GABRB1: variants seen among roughly 807,000 people sequenced by gnomAD.
GABRB1 encodes gamma-aminobutyric acid receptor subunit beta-1.
GABRB1 carries 17 observed loss-of-function variants against 51.6 expected under a neutral mutation model. That is an observed-to-expected ratio of 0.33 (90% confidence interval 0.23 to 0.49). The LOEUF (loss-of-function observed/expected upper bound fraction) is 0.49. Ranked by LOEUF, GABRB1 falls within the 20% of genes least tolerant of loss-of-function variation. The pLI, the probability that GABRB1 is intolerant of heterozygous loss-of-function variation, is 0.99. For missense variants in GABRB1, 410 were observed against 600.6 expected (o/e 0.68, Z 3.32); for synonymous variants, 247 against 218.9 (o/e 1.13, Z -1.14).
chr4:47,269,223 G>A (rs971670216), intron 4 of GABRB1, among the ~76,000 whole-genome samples: 3 of 152,088 alleles, frequency 2.0e-5, no homozygotes, highest in Non-Finnish European at 4.4e-5. Flanking sequence ...TTAATTCTCA[G>A]AAGAAATATA....
chr4:47,060,032 C>A (rs1370779295), intron 3 of GABRB1, among the ~76,000 whole-genome samples: 1 of 152,170 alleles, frequency 6.6e-6, no homozygotes, highest in Non-Finnish European at 1.5e-5. Context: ...TCACTCATGT[C>A]ATTTCTATTA....
intron 5 of GABRB1, among the ~76,000 whole-genome samples, chr4:47,356,025 A>G (rs558223614): frequency 6.6e-6 from 1 of 152,354 alleles, no homozygotes. Context: ...GCATGCAATG[A>G]ATATGGCAAT....
chr4:47,203,769 T>A (rs1189942872), intron 4 of GABRB1, among the ~76,000 whole-genome samples: 1 of 152,002 alleles, frequency 6.6e-6, no homozygotes, highest in Admixed American at 6.6e-5. Flanking sequence ...CATCGAGACA[T>A]CACAGCTGCC....
Position 47,327,672 on chromosome 4 carries a change from T to A in GABRB1, c.544+7463T>A, listed in dbSNP as rs2109970938. Reference sequence around the variant, plus strand: ...GTCGTATGTATTTAATTTAATGAACTATCCACTTAATCCATCTGTTTAACT... The same window carrying A: ...GTCGTATGTATTTAATTTAATGAACAATCCACTTAATCCATCTGTTTAACT... On this transcript the variant is annotated intron_variant, in intron 5 of 8. Transcript: ENST00000295454. Among the ~76,000 whole-genome samples, 3 of 152,360 alleles carry A rather than the reference T, an allele frequency of 2.0e-5. No homozygotes were observed. The South Asian group carries it at 6.2e-4, about 32-fold the overall frequency.
chr4:47,016,560 A>ATTATTTAT lies in GABRB1; in HGVS notation c.-19-15333_-19-15326dup, dbSNP rs559278924. 3.7e-3 allele frequency among the ~76,000 whole-genome samples: 562 copies of ATTATTTAT among 151,682 alleles called. 3 individuals carry two copies. Among genetic ancestry groups the ATTATTTAT allele is most frequent in the African/African-American group, 0.012 (493 of 41,360 alleles). The stretch of plus-strand genomic sequence containing the variant: ...GGTGACAAAATTTCTATCTGTGCAG[A>ATTATTTAT]TTATTTATTTATTTATTTATTTATT... On this transcript the variant is annotated intron_variant, in intron 1 of 3. Coordinates refer to the GABRB1 transcript ENST00000513567.
At chr4:47,185,044 TA>T (rs928125827) in intron 4 of GABRB1, among the ~76,000 whole-genome samples, 8 of 151,886 alleles carry the variant, frequency 5.3e-5, no homozygotes, top group African/African-American at 1.4e-4. Flanking sequence ...TTCACTCCTC[TA>T]AAATAGGCAA....
At chr4:47,298,151 A>C (rs1474104382) in intron 4 of GABRB1, among the ~76,000 whole-genome samples, 2 of 152,134 alleles carry the variant, frequency 1.3e-5, no homozygotes, top group Non-Finnish European at 2.9e-5. Context: ...ATGGGCAAAA[A>C]CTGGAAGCAT....
chr4:47,317,227 C>T (rs1166179761), intron 4 of GABRB1, among the ~76,000 whole-genome samples: 2 of 151,906 alleles, frequency 1.3e-5, no homozygotes, highest in Non-Finnish European at 2.9e-5. Context: ...TTCCAAATGT[C>T]CCCAGTGAGG....
At chr4:47,087,615 A>G (rs1196199977) in intron 3 of GABRB1, among the ~76,000 whole-genome samples, 1 of 151,898 alleles carries the variant, frequency 6.6e-6, no homozygotes, top group Non-Finnish European at 1.5e-5. Context: ...ATTCTAGAAT[A>G]TCTAGTTTAA....
chr4:47,407,617 A>T (rs1236447368), intron 8 of GABRB1, among the ~76,000 whole-genome samples: 1 of 152,222 alleles, frequency 6.6e-6, no homozygotes, highest in Non-Finnish European at 1.5e-5. Context: ...TCAAATGTGT[A>T]TCTACCACAA....
chr4:47,129,693 C>T (rs537939132), intron 3 of GABRB1, among the ~76,000 whole-genome samples: 1 of 152,020 alleles, frequency 6.6e-6, no homozygotes, highest in Non-Finnish European at 1.5e-5. Context: ...GTGAAGGCTT[C>T]CTGGAAAAAG....
intron 3 of GABRB1, among the ~76,000 whole-genome samples, chr4:47,116,760 G>A (rs147780016): frequency 8.5e-5 from 13 of 152,094 alleles, no homozygotes; most frequent in African/African-American, 2.2e-4. Context: ...AACTACCTGC[G>A]ACTGAGCCAT....
At chr4:47,284,667 A>T (rs6852448) in intron 4 of GABRB1, among the ~76,000 whole-genome samples, 101,040 of 152,020 alleles carry the variant, frequency 0.66, 34,049 homozygotes, top group East Asian at 0.98. Context: ...TGTTCTCTTG[A>T]CAGGATCCTA....
At chr4:47,040,353 G>A (rs528562501) in intron 3 of GABRB1, among the ~76,000 whole-genome samples, 1 of 152,284 alleles carries the variant, frequency 6.6e-6, no homozygotes, top group East Asian at 1.9e-4. Flanking sequence ...GTCCAGATGA[G>A]AGGTGATAGA....
chr4:47,188,815 T>G (rs1358464578), intron 4 of GABRB1, among the ~76,000 whole-genome samples: 1 of 151,990 alleles, frequency 6.6e-6, no homozygotes, highest in Admixed American at 6.6e-5. Flanking sequence ...AGTATGTGAC[T>G]TCCTGGCTTA....
intron 1 of GABRB1, among the ~76,000 whole-genome samples, chr4:47,003,359 C>CT (rs1724287705): frequency 6.6e-6 from 1 of 152,166 alleles, no homozygotes; most frequent in Non-Finnish European, 1.5e-5. Context: ...TCATGACTGA[C>CT]TGAGTTTCTC....
In GABRB1 at chr4:47,406,781, G is replaced by A; in HGVS notation, c.935G>A (p.Gly312Asp). ...YVKAIDIYLM[G>D]CFVFVFLALL... ...AAAGCGATTGATATTTATCTGATGG[G>A]TTGCTTTGTGTTTGTGTTCCTGGCT... The change falls in exon 8 of 9, where the codon GGT becomes GAT. Residue 312 changes from glycine (G) to aspartate (D), a missense_variant. Gly to Asp is a moderately conservative substitution (Grantham distance 94). Coordinates refer to ENST00000295454, the MANE Select transcript of GABRB1 (RefSeq NM_000812.4). 6.2e-7 allele frequency: 1 copy of A among 1,614,122 alleles called. No individual in the cohort carries two copies.
At chr4:47,294,611 A>G (rs1723891047) in intron 4 of GABRB1, among the ~76,000 whole-genome samples, 1 of 152,238 alleles carries the variant, frequency 6.6e-6, no homozygotes, top group Non-Finnish European at 1.5e-5. Context: ...GGAAGCTCGA[A>G]TTGGGTGGAG....
intron 5 of GABRB1, among the ~76,000 whole-genome samples, chr4:47,369,434 TACACAC>T (rs34999907): frequency 0.06 from 9,011 of 149,888 alleles, 307 homozygotes; most frequent in South Asian, 0.16. Context: ...TCTTTCTATT[TACACAC>T]ACACACACAC....
Sources: allele counts gnomAD v4.1 joint callset (sites outside exome capture counted in the v4.1 genomes callset), GRCh38; gene constraint gnomAD v4.1.1; transcripts MANE v1.5; gene names NCBI Gene and HGNC (gene_info 2026-07-23, HGNC 2026-07-21).